Variants in NTM observed in about 807,000 individuals in gnomAD.
The protein encoded by NTM is IgLON family member 2.
In NTM, 13 loss-of-function variants were observed where a neutral mutation model predicts 42.1. The observed-to-expected ratio is 0.31, with a 90% CI of 0.20 to 0.49. NTM has a LOEUF of 0.49. NTM is among the 20% of genes least tolerant of loss of function. NTM has a pLI of 0.99. For missense variants in NTM, 373 were observed against 452.8 expected (o/e 0.82, Z 1.60); for synonymous variants, 187 against 179.2 (o/e 1.04, Z -0.35).
At chr11:131,828,210 G>A (rs964770380) in intron 1 of NTM, among the ~76,000 whole-genome samples, 8 of 151,800 alleles carry the variant, frequency 5.3e-5, no homozygotes, top group African/African-American at 1.7e-4. Context: ...ACAACCCTGT[G>A]CGTAGCAAGT....
At chr11:131,553,512 G>A (rs1341401959) in intron 1 of NTM, among the ~76,000 whole-genome samples, 1 of 152,142 alleles carries the variant, frequency 6.6e-6, no homozygotes, top group Non-Finnish European at 1.5e-5. Context: ...AAACCAGGGA[G>A]GCATTTTGTC....
At chr11:132,244,800 C>A (rs990911872) in intron 4 of NTM, among the ~76,000 whole-genome samples, 2 of 152,196 alleles carry the variant, frequency 1.3e-5, no homozygotes, top group Admixed American at 1.3e-4. Context: ...AGGGAGCCCC[C>A]AGTTCCCCCA....
chr11:132,167,203 G>T (rs1202326900), intron 3 of NTM, among the ~76,000 whole-genome samples: 1 of 152,106 alleles, frequency 6.6e-6, no homozygotes, highest in Non-Finnish European at 1.5e-5. Context: ...ATTTTTTGGA[G>T]TTTGAGTTCT....
intron 1 of NTM, among the ~76,000 whole-genome samples, chr11:131,721,667 T>C (rs995930150): frequency 6.6e-6 from 1 of 152,098 alleles, no homozygotes; most frequent in Non-Finnish European, 1.5e-5. Context: ...TTAAGGATTG[T>C]ATTGCCAATA....
chr11:132,318,312 CCACCGTA>C (rs1219869316), intron 7 of NTM, among the ~76,000 whole-genome samples: 1 of 152,136 alleles, frequency 6.6e-6, no homozygotes, highest in Non-Finnish European at 1.5e-5. Context: ...TCTACCTTAT[CCACCGTA>C]CAGAGTTGTT....
intron 4 of NTM, among the ~76,000 whole-genome samples, chr11:132,243,130 C>T (rs1284623953): frequency 6.6e-6 from 1 of 152,154 alleles, no homozygotes; most frequent in Non-Finnish European, 1.5e-5. Flanking sequence ...TATCACTTCC[C>T]TTCTCAATGT....
At chr11:132,289,566 C>A (rs796129911) in intron 4 of NTM, among the ~76,000 whole-genome samples, 14 of 152,330 alleles carry the variant, frequency 9.2e-5, no homozygotes, top group African/African-American at 3.4e-4. Context: ...ATCCCCTCAC[C>A]CCCTGCCATA....
At chr11:131,552,276 G>A (rs1456056213) in intron 1 of NTM, among the ~76,000 whole-genome samples, 1 of 152,184 alleles carries the variant, frequency 6.6e-6, no homozygotes, top group Non-Finnish European at 1.5e-5. Flanking sequence ...ACGCACGGCT[G>A]GAGATGGTGT....
rs114319259 is a variant in NTM at position 132,162,368 on chromosome 11, G to A, written c.400+15854G>A. 3.6e-3 allele frequency among the ~76,000 whole-genome samples: 548 copies of A among 150,184 alleles called. 1 individual carries two copies. Among genetic ancestry groups the A allele is most frequent in the African/African-American group, 0.013 (522 of 40,864 alleles). On this transcript the variant is annotated intron_variant, in intron 3 of 8. Transcript: ENST00000683400. ...GTTTGTGGGGCATGTGGGGGGGACT[G>A]CGTGAGTGTGTGTATGTGTTTGTGG...
chr11:131,773,250 G>A (rs749322120), intron 1 of NTM, among the ~76,000 whole-genome samples: 7 of 152,036 alleles, frequency 4.6e-5, no homozygotes, highest in Non-Finnish European at 1.0e-4. Flanking sequence ...AAGGGATGGT[G>A]GGGCAAAAAA....
At chr11:132,291,597 A>G (rs77796804) in intron 4 of NTM, among the ~76,000 whole-genome samples, 1 of 152,302 alleles carries the variant, frequency 6.6e-6, no homozygotes, top group African/African-American at 2.4e-5. Context: ...CACAGAATAA[A>G]TGATATTGCC....
At chr11:131,377,598 G>C (rs939017988) in intron 1 of NTM, among the ~76,000 whole-genome samples, 5 of 152,210 alleles carry the variant, frequency 3.3e-5, no homozygotes, top group African/African-American at 7.2e-5. Context: ...TTAATTTAGA[G>C]TTCCTGGAAT....
chr11:132,134,721 A>G (rs1251635131), intron 2 of NTM, among the ~76,000 whole-genome samples: 2,508 of 53,266 alleles, frequency 0.047, 222 homozygotes, highest in African/African-American at 0.08. Context: ...ATATATATAT[A>G]TATATATATA....
At chr11:131,781,937 G>A (rs1042763867) in intron 1 of NTM, among the ~76,000 whole-genome samples, 11 of 152,146 alleles carry the variant, frequency 7.2e-5, no homozygotes, top group Admixed American at 4.6e-4. Context: ...GACTTTATTG[G>A]TGAACACAAA....
At chr11:131,946,585 T>G (rs2060368338) in intron 2 of NTM, among the ~76,000 whole-genome samples, 1 of 152,222 alleles carries the variant, frequency 6.6e-6, no homozygotes, top group African/African-American at 2.4e-5. Context: ...AAGAGAACTT[T>G]ATCTTTCTTC....
intron 2 of NTM, among the ~76,000 whole-genome samples, chr11:131,951,433 T>C (rs1364993916): frequency 6.6e-6 from 1 of 152,146 alleles, no homozygotes; most frequent in African/African-American, 2.4e-5. Flanking sequence ...GACAGCCTTC[T>C]CTGAAGCAGA....
intron 2 of NTM, among the ~76,000 whole-genome samples, chr11:132,047,005 C>T (rs2078112358): frequency 6.6e-6 from 1 of 152,164 alleles, no homozygotes; most frequent in Non-Finnish European, 1.5e-5. Context: ...CAAAGTTAAT[C>T]TCCGTTTTAC....
intron 2 of NTM, among the ~76,000 whole-genome samples, chr11:131,959,080 TG>T (rs1055258889): frequency 6.6e-6 from 1 of 152,182 alleles, no homozygotes; most frequent in East Asian, 1.9e-4. Flanking sequence ...CAGTGCTTTT[TG>T]TTCCCCAGGT....
intron 1 of NTM, among the ~76,000 whole-genome samples, chr11:131,663,757 A>G (rs536436828): frequency 1.2e-4 from 19 of 152,172 alleles, no homozygotes; most frequent in African/African-American, 4.3e-4. Flanking sequence ...TTTTTAGCTA[A>G]GGCTTACCAA....
Sources: allele counts gnomAD v4.1 joint callset (sites outside exome capture counted in the v4.1 genomes callset), GRCh38; gene constraint gnomAD v4.1.1; transcripts MANE v1.5; gene names NCBI Gene and HGNC (gene_info 2026-07-23, HGNC 2026-07-21).